SRRM4: variants seen among roughly 807,000 people sequenced by gnomAD.
The protein encoded by SRRM4 is serine/arginine repetitive matrix 4.
In SRRM4, 33 loss-of-function variants were observed where a neutral mutation model predicts 68.9. The ratio of observed to expected loss-of-function variants is 0.48; its 90% CI spans 0.36 to 0.64. The LOEUF is 0.64. SRRM4 is among the 30% of genes least tolerant of loss of function. The pLI is 0.00. For synonymous variants in SRRM4, 318 were observed against 318.8 expected (o/e 1.00, Z 0.03); for missense variants, 817 against 827.1 (o/e 0.99, Z 0.15).
At chr12:119,066,125 A>C (rs78929296) in intron 1 of SRRM4, among the ~76,000 whole-genome samples, 6,287 of 152,196 alleles carry the variant, frequency 0.041, 184 homozygotes, top group South Asian at 0.065. Flanking sequence ...TGCTCATTGA[A>C]GATATCATTT....
chr12:119,021,750 G>A (rs1953517215), intron 1 of SRRM4, among the ~76,000 whole-genome samples: 1 of 152,228 alleles, frequency 6.6e-6, no homozygotes, highest in Non-Finnish European at 1.5e-5. Context: ...CTCTGCCAAA[G>A]ACATGGTCTC....
chr12:119,118,240 G>A (rs1232469845), intron 4 of SRRM4, among the ~76,000 whole-genome samples: 1 of 152,220 alleles, frequency 6.6e-6, no homozygotes, highest in Non-Finnish European at 1.5e-5. Flanking sequence ...ATTTGCTGTA[G>A]TGAGCTGCGG....
At chr12:118,995,388 T>A (rs944167944) in intron 1 of SRRM4, among the ~76,000 whole-genome samples, 7 of 152,310 alleles carry the variant, frequency 4.6e-5, no homozygotes, top group Non-Finnish European at 1.0e-4. Flanking sequence ...TAAGGAAAGA[T>A]GAGAAAACTT....
intron 1 of SRRM4, among the ~76,000 whole-genome samples, chr12:119,004,432 T>C (rs1396127908): frequency 6.6e-6 from 1 of 151,972 alleles, no homozygotes; most frequent in Non-Finnish European, 1.5e-5. Context: ...TTTAAGAAAG[T>C]ACAGTGGTTC....
At position 119,154,775 on chromosome 12, in the gene SRRM4, G is replaced by T. The variant is rs1301011150; in HGVS notation, c.1532+392G>T. 6.6e-6 allele frequency among the ~76,000 whole-genome samples: 1 copy of T among 152,194 alleles called. No individual in the cohort carries two copies. Among genetic ancestry groups the T allele is most frequent in the African/African-American group, 2.4e-5 (1 of 41,454 alleles). The stretch of plus-strand genomic sequence containing the variant: ...GGAGCAGGACCTTGGCCTGGTGGTG[G>T]ATCCCGAGCAGCGGAGACAGACCTC... On this transcript the variant is annotated intron_variant, in intron 12 of 12. Coordinates refer to ENST00000267260, the MANE Select transcript of SRRM4 (RefSeq NM_194286.4). This position sits in a 1 kb window ranked among gnomAD's most constrained non-coding sequence, Gnocchi z 4.7.
chr12:118,999,970 A>G (rs1340879650), intron 1 of SRRM4, among the ~76,000 whole-genome samples: 2 of 152,208 alleles, frequency 1.3e-5, no homozygotes, highest in African/African-American at 2.4e-5. Context: ...TGACACATCA[A>G]AAATAATGCC....
chr12:119,091,446 T>C (rs73211889), intron 1 of SRRM4, among the ~76,000 whole-genome samples: 6,051 of 152,146 alleles, frequency 0.04, 136 homozygotes, highest in African/African-American at 0.057. Flanking sequence ...TCCCTTGCCT[T>C]GGCTGTTTGA....
rs116618697 is a variant in SRRM4 at position 119,060,234 on chromosome 12, C to T, written c.132-42002C>T. ...CTGAAAATACCTGCATATTAATATA[C>T]GATGCACAAACTCTTTTCCTTGGAA... On this transcript the variant is annotated intron_variant, in intron 1 of 12. Transcript: ENST00000267260. 6.0e-3 allele frequency among the ~76,000 whole-genome samples: 912 copies of T among 151,470 alleles called. 5 individuals carry two copies. Among genetic ancestry groups the T allele is most frequent in the African/African-American group, 0.014 (581 of 41,282 alleles).
At chr12:119,007,795 A>G (rs1463507259) in intron 1 of SRRM4, among the ~76,000 whole-genome samples, 1 of 152,208 alleles carries the variant, frequency 6.6e-6, no homozygotes, top group African/African-American at 2.4e-5. Context: ...AAACCAGTAC[A>G]GACCAATCCC....
intron 1 of SRRM4, among the ~76,000 whole-genome samples, chr12:118,990,714 T>C (rs1953311207): frequency 6.6e-6 from 1 of 152,342 alleles, no homozygotes; most frequent in East Asian, 1.9e-4. Context: ...TCTTATCCAT[T>C]ATCCACATAG....
chr12:119,103,824 G>A (rs748028439), intron 2 of SRRM4, among the ~76,000 whole-genome samples: 10 of 152,218 alleles, frequency 6.6e-5, no homozygotes, highest in South Asian at 2.1e-4. Flanking sequence ...CCAACATGGT[G>A]AAACCCTTGT....
chr12:119,102,324 A>G lies in SRRM4; in HGVS notation c.220A>G (p.Thr74Ala). The change falls in exon 2 of 13, where the codon ACC (threonine) becomes GCC (alanine). Residue 74 changes from threonine (T) to alanine (A), a missense_variant. Transcript: ENST00000267260. Reference protein sequence around the residue: ...GQHLATEPLGTNSWERDKTCR... With the variant: ...GQHLATEPLGANSWERDKTCR... Reference sequence around the variant, plus strand: ...GCATCTGGCCACCGAGCCCTTGGGCACCAACAGTTGGGAGAGAGACAAGAC... The same window carrying G: ...GCATCTGGCCACCGAGCCCTTGGGCGCCAACAGTTGGGAGAGAGACAAGAC... The G allele has an allele frequency of 6.2e-7, 1 of 1,613,586 alleles. No homozygotes were observed. The highest frequency in any genetic ancestry group is 8.5e-7 in the Non-Finnish European group (1 of 1,179,728).
intron 1 of SRRM4, among the ~76,000 whole-genome samples, chr12:119,081,412 C>T (rs1363076231): frequency 6.6e-6 from 1 of 152,064 alleles, no homozygotes; most frequent in East Asian, 1.9e-4. Context: ...GCAGTGGGAA[C>T]AGCCCGTGCA....
At chr12:119,077,231 C>T (rs1323788910) in intron 1 of SRRM4, among the ~76,000 whole-genome samples, 2 of 152,254 alleles carry the variant, frequency 1.3e-5, no homozygotes, top group African/African-American at 4.8e-5. Context: ...CACCTGGGAA[C>T]GTTGTATAAA....
intron 6 of SRRM4, among the ~76,000 whole-genome samples, 172 bp downstream of exon 6, chr12:119,122,292 C>CAGGAAGGAAGGCAGGA (rs1954225705): frequency 2.9e-5 from 2 of 69,656 alleles, no homozygotes; most frequent in African/African-American, 1.3e-4. Flanking sequence ...GGCAGGAAGG[C>CAGGAAGGAAGGCAGGA]AGGAAGGAAG....
chr12:119,067,264 T>C (rs1355860793), intron 1 of SRRM4, among the ~76,000 whole-genome samples: 1 of 152,200 alleles, frequency 6.6e-6, no homozygotes, highest in Non-Finnish European at 1.5e-5. Context: ...CCTAGCACCA[T>C]GTCTGACACA....
At chr12:119,156,358 G>A in intron 12 of SRRM4, 137 bp from the exon 13 acceptor site, 1 of 1,333,688 alleles carries the variant, frequency 7.5e-7, no homozygotes, top group Non-Finnish European at 1.0e-6. Context: ...CACTGCAAGA[G>A]AAGTGGAAAG....
In SRRM4 at chr12:119,125,434, C is replaced by T. The variant is rs752506909; in HGVS notation, c.569C>T (p.Ser190Leu). The change falls in exon 7 of 13, where the codon TCG becomes TTG. Residue 190 changes from serine to leucine, a missense_variant. Transcript: ENST00000267260. ...CGCCACCGCCATCACCGCTGCCCCT[C>T]GCGGTCCCAGAGCTCGGAGTCCCGC... ...SHRHRHHRCP[S>L]RSQSSESRPS... The T allele has an allele frequency of 6.2e-7, 1 of 1,613,616 alleles. No individual in the cohort carries two copies. Among genetic ancestry groups the T allele is most frequent in the Non-Finnish European group, 8.5e-7 (1 of 1,179,750 alleles).
intron 1 of SRRM4, among the ~76,000 whole-genome samples, chr12:119,082,550 G>A (rs1005404525): frequency 1.3e-5 from 2 of 152,216 alleles, no homozygotes; most frequent in East Asian, 3.8e-4. Flanking sequence ...GCATAAGGAT[G>A]CATTTGAATG....
Sources: allele counts gnomAD v4.1 joint callset (sites outside exome capture counted in the v4.1 genomes callset), GRCh38; gene constraint gnomAD v4.1.1; non-coding constraint Gnocchi (gnomAD v3.1); transcripts MANE v1.5; gene names NCBI Gene and HGNC (gene_info 2026-07-23, HGNC 2026-07-21).